The following ZFPM1 variants were observed in gnomAD, a reference collection of about 807,000 sequenced individuals.
ZFPM1 encodes zinc finger protein, FOG family member 1, also known as zinc finger protein ZFPM1.
ZFPM1 carries 28 observed loss-of-function variants against 46.3 expected under a neutral mutation model. The ratio of observed to expected loss-of-function variants is 0.60; its 90% CI spans 0.45 to 0.83. ZFPM1 has a LOEUF of 0.83. ZFPM1 is among the 40% of genes least tolerant of loss of function. The pLI, the probability that ZFPM1 is intolerant of heterozygous loss-of-function variation, is 0.00. For missense variants in ZFPM1, 1,878 were observed against 1,432.4 expected (o/e 1.31, Z -5.02); for synonymous variants, 957 against 675.9 (o/e 1.42, Z -6.45).
In ZFPM1 at chr16:88,533,659, C is replaced by T. The variant is rs1336159516; in HGVS notation, c.1701C>T (p.Thr567=). 1 of 1,474,302 alleles carries T rather than the reference C, an allele frequency of 6.8e-7. No individual in the cohort carries two copies. The highest frequency in any genetic ancestry group is 9.0e-7 in the Non-Finnish European group (1 of 1,107,960). The allele number at this position is 1,474,302 out of a possible 1,614,324, so 91.3% of individuals were successfully genotyped here. The stretch of plus-strand genomic sequence containing the variant: ...GCGCGGGCGCCGGCGGCGCGCAGAC[C>T]GGGCTCTTCCCCGGGGCCCCCAAGG... ...GAGAGAGGAQ[T]GLFPGAPKGA... Residue 567 remains threonine, a synonymous_variant, in exon 10 of 10, where the codon ACC becomes ACT. Transcript: ENST00000319555.
intron 1 of ZFPM1, among the ~76,000 whole-genome samples, chr16:88,460,638 C>G (rs1907774972): frequency 6.6e-6 from 1 of 152,204 alleles, no homozygotes. Context: ...AGCCAGGTGG[C>G]CTCAGCCAAT....
intron 3 of ZFPM1, among the ~76,000 whole-genome samples, chr16:88,493,234 A>G (rs1383886031): frequency 4.3e-4 from 38 of 87,630 alleles, no homozygotes; most frequent in African/African-American, 8.0e-4. Flanking sequence ...GAGCTGTCCC[A>G]CGGTGAGGAG....
chr16:88,475,513 C>CGGG (rs36025032), intron 1 of ZFPM1, among the ~76,000 whole-genome samples: 6 of 146,632 alleles, frequency 4.1e-5, no homozygotes, highest in African/African-American at 1.5e-4. Flanking sequence ...GGCAGGGGTC[C>CGGG]GGGGGGGGGA....
chr16:88,457,978 G>T (rs1260078934), intron 1 of ZFPM1, among the ~76,000 whole-genome samples: 1 of 152,140 alleles, frequency 6.6e-6, no homozygotes, highest in Non-Finnish European at 1.5e-5. Context: ...TCATTTGATG[G>T]TAAGAATAAT....
intron 1 of ZFPM1, among the ~76,000 whole-genome samples, chr16:88,479,837 C>T (rs1378224975): frequency 7.1e-6 from 1 of 140,152 alleles, no homozygotes; most frequent in Non-Finnish European, 1.6e-5. Context: ...CTCTCCGCTC[C>T]CCTCCCCGTC....
intron 4 of ZFPM1, among the ~76,000 whole-genome samples, chr16:88,519,521 T>G (rs1911649607): frequency 6.8e-6 from 1 of 147,828 alleles, no homozygotes; most frequent in African/African-American, 2.5e-5. Context: ...GATAGATGAA[T>G]GGATGAATGA....
intron 1 of ZFPM1, among the ~76,000 whole-genome samples, chr16:88,457,470 G>T (rs141560666): frequency 6.6e-6 from 1 of 152,208 alleles, no homozygotes; most frequent in East Asian, 1.9e-4. Context: ...CCATCCAGGG[G>T]CTGCAGGTCC....
intron 3 of ZFPM1, among the ~76,000 whole-genome samples, chr16:88,510,933 G>A (rs927767960): frequency 2.6e-5 from 4 of 152,210 alleles, no homozygotes; most frequent in African/African-American, 9.7e-5. Flanking sequence ...CCGTGGGGCA[G>A]GTACTCAGTT....
chr16:88,475,240 C>T (rs1407400749), intron 1 of ZFPM1, among the ~76,000 whole-genome samples: 1 of 152,226 alleles, frequency 6.6e-6, no homozygotes, highest in African/African-American at 2.4e-5. Flanking sequence ...CTGGCTTCAG[C>T]CATGCAGTGG....
chr16:88,527,031 C>G, intron 5 of ZFPM1, 115 bp downstream of exon 5: 1 of 1,444,766 alleles, frequency 6.9e-7, no homozygotes, highest in Non-Finnish European at 9.2e-7. Context: ...GGATGGGGCA[C>G]AGGGAGCTGC....
chr16:88,489,557 G>A (rs1455812461), intron 3 of ZFPM1, among the ~76,000 whole-genome samples: 1 of 152,216 alleles, frequency 6.6e-6, no homozygotes, highest in African/African-American at 2.4e-5. Flanking sequence ...CTGTGCTGAG[G>A]TGCCCAGGCA....
intron 1 of ZFPM1, among the ~76,000 whole-genome samples, chr16:88,482,245 C>T (rs1908979837): frequency 1.3e-5 from 2 of 151,962 alleles, no homozygotes; most frequent in African/African-American, 2.4e-5. Context: ...CTCTGTCGCC[C>T]ACCTGGAGAG....
intron 2 of ZFPM1, 87 bp from the exon 3 acceptor site, chr16:88,488,944 G>A (rs1188370444): frequency 1.3e-6 from 2 of 1,520,584 alleles, no homozygotes; most frequent in East Asian, 4.7e-5. Context: ...CCGGCGCCCA[G>A]CGCCTCAGCA....
At position 88,480,813 on chromosome 16, in the gene ZFPM1, C is replaced by T. The variant is rs970439735; in HGVS notation, c.41-5126C>T. 3.0e-4 allele frequency among the ~76,000 whole-genome samples: 46 copies of T among 152,354 alleles called. No individual in the cohort carries two copies. The highest frequency in any genetic ancestry group is 9.6e-4 in the African/African-American group (40 of 41,590). On this transcript the variant is annotated intron_variant, in intron 1 of 9. Coordinates refer to ENST00000319555, the MANE Select transcript of ZFPM1 (RefSeq NM_153813.3). The surrounding 1 kb of genome is among the most constrained non-coding windows in gnomAD (Gnocchi z 4.9). ...GCATGTCCACCCTGGGGCCCACAGTCTGGGGGATGCCCCCCTCTCCTCAGC... is the reference window on the plus strand; with the variant it reads ...GCATGTCCACCCTGGGGCCCACAGTTTGGGGGATGCCCCCCTCTCCTCAGC...
chr16:88,496,533 G>C (rs1020868172), intron 3 of ZFPM1, among the ~76,000 whole-genome samples: 1 of 152,030 alleles, frequency 6.6e-6, no homozygotes, highest in Non-Finnish European at 1.5e-5. Context: ...GAGAGGCCTG[G>C]GGTACCCTGC....
chr16:88,457,001 T>G (rs768999470), intron 1 of ZFPM1, among the ~76,000 whole-genome samples: 4 of 152,132 alleles, frequency 2.6e-5, no homozygotes, highest in Non-Finnish European at 5.9e-5. Context: ...ACAAGGTGTT[T>G]TTCACACACT....
intron 5 of ZFPM1, among the ~76,000 whole-genome samples, chr16:88,527,338 A>C (rs753965942): frequency 9.9e-5 from 15 of 152,208 alleles, no homozygotes; most frequent in Non-Finnish European, 1.9e-4. Context: ...GGAACGGTCA[A>C]GGTGGCCGTC....
At position 88,501,491 on chromosome 16, in the gene ZFPM1, C is replaced by T. The variant is rs547055619; in HGVS notation, c.268+12338C>T. On this transcript the variant is annotated intron_variant, in intron 3 of 9. Coordinates refer to ENST00000319555, the MANE Select transcript of ZFPM1 (RefSeq NM_153813.3). Reference sequence around the variant, plus strand: ...GAGATAGCAGACATGGGTGCGTGGGCCCTCCCGCAGGTGCTGGTGATGATA... The same window carrying T: ...GAGATAGCAGACATGGGTGCGTGGGTCCTCCCGCAGGTGCTGGTGATGATA... Among the ~76,000 whole-genome samples the T allele has an allele frequency of 1.4e-3, 206 of 145,376 alleles. 3 individuals carry two copies. Among genetic ancestry groups the T allele is most frequent in the Non-Finnish European group, 2.2e-3 (148 of 66,630 alleles).
chr16:88,522,931 C>T (rs768240109), intron 4 of ZFPM1, among the ~76,000 whole-genome samples: 5 of 152,178 alleles, frequency 3.3e-5, no homozygotes, highest in Non-Finnish European at 5.9e-5. Context: ...CAAGGCCAGG[C>T]GCGGTGGTTC....
Sources: allele counts gnomAD v4.1 joint callset (sites outside exome capture counted in the v4.1 genomes callset), GRCh38; gene constraint gnomAD v4.1.1; non-coding constraint Gnocchi (gnomAD v3.1); transcripts MANE v1.5; gene names NCBI Gene and HGNC (gene_info 2026-07-23, HGNC 2026-07-21).